The following SMCO4 variants were observed in gnomAD, a reference collection of about 807,000 sequenced individuals.
SMCO4 encodes single-pass membrane and coiled-coil domain-containing protein 4.
SMCO4 carries 4 observed loss-of-function variants against 3.6 expected under a neutral mutation model. That is an observed-to-expected ratio of 1.11 (90% CI 0.54 to 2.53). SMCO4 has a LOEUF of 2.53. SMCO4 is among the 30% of genes most tolerant of loss of function. The pLI, the probability that SMCO4 is intolerant of heterozygous loss-of-function variation, is 0.02. For missense variants in SMCO4, 70 were observed against 80.8 expected, an observed-to-expected ratio of 0.87 and a Z score of 0.51; for synonymous variants, 36 against 35.3, an observed-to-expected ratio of 1.02 and a Z score of -0.07.
At chr11:93,479,364 C>T (rs1948564590) in intron 2 of SMCO4, 95 bp from the exon 3 acceptor site, 1 of 1,186,138 alleles carries the variant, frequency 8.4e-7, no homozygotes, top group African/African-American at 1.5e-5. Context: ...AAAATATCTG[C>T]AACTTACATG....
intron 1 of SMCO4, among the ~76,000 whole-genome samples, chr11:93,516,843 C>G (rs1949012239): frequency 6.6e-6 from 1 of 152,078 alleles, no homozygotes; most frequent in Non-Finnish European, 1.5e-5. Flanking sequence ...TACCCATTTA[C>G]ATTCGAGTAG....
chr11:93,534,359 T>C (rs12288744), intron 1 of SMCO4, among the ~76,000 whole-genome samples: 4 of 57,162 alleles, frequency 7.0e-5, no homozygotes, highest in Non-Finnish European at 1.2e-4. Flanking sequence ...TACACATACA[T>C]ATATATATAT....
chr11:93,495,833 C>G (rs918952246), intron 2 of SMCO4, among the ~76,000 whole-genome samples: 1 of 152,210 alleles, frequency 6.6e-6, no homozygotes, highest in African/African-American at 2.4e-5. Flanking sequence ...ACTCCTTGTT[C>G]CATTTCCCAG....
At chr11:93,522,555 T>C (rs779934811) in intron 1 of SMCO4, among the ~76,000 whole-genome samples, 1 of 152,244 alleles carries the variant, frequency 6.6e-6, no homozygotes, top group Non-Finnish European at 1.5e-5. Flanking sequence ...ATCCGTTGTA[T>C]TCCACATGGA....
chr11:93,483,249 G>C (rs1948612139), intron 2 of SMCO4, among the ~76,000 whole-genome samples: 1 of 152,188 alleles, frequency 6.6e-6, no homozygotes, highest in South Asian at 2.1e-4. Context: ...TTGGAGGGTG[G>C]AAAGGCCACC....
chr11:93,535,953 AG>A, intron 1 of SMCO4: 3 of 1,453,688 alleles, frequency 2.1e-6, no homozygotes, highest in Non-Finnish European at 2.8e-6. Context: ...TGGAAAGAAT[AG>A]TTGCAGTGTT....
chr11:93,488,507 T>C (rs774486347), intron 2 of SMCO4, among the ~76,000 whole-genome samples: 1 of 152,094 alleles, frequency 6.6e-6, no homozygotes, highest in Non-Finnish European at 1.5e-5. Flanking sequence ...CGAGTACACT[T>C]TGAAGGCAGA....
At chr11:93,533,924 C>T (rs981897079) in intron 1 of SMCO4, among the ~76,000 whole-genome samples, 6 of 152,054 alleles carry the variant, frequency 3.9e-5, no homozygotes, top group Non-Finnish European at 8.8e-5. Context: ...TGGTAGCTCA[C>T]GCCTGTAATC....
intron 1 of SMCO4, among the ~76,000 whole-genome samples, chr11:93,514,392 AT>A: frequency 2.9e-5 from 1 of 34,436 alleles, no homozygotes; most frequent in Non-Finnish European, 5.8e-5. Context: ...ATATATATAT[AT>A]ATATATATAT....
At chr11:93,544,719 G>A (rs113057875), upstream of SMCO4, among the ~76,000 whole-genome samples, 499 of 152,104 alleles carry the variant, frequency 3.3e-3, 4 homozygotes, top group Middle Eastern at 0.014. Context: ...AGAGGGGATT[G>A]GGCTGCATAC....
At chr11:93,539,041 T>C (rs1249528694) in intron 1 of SMCO4, among the ~76,000 whole-genome samples, 1 of 152,200 alleles carries the variant, frequency 6.6e-6, no homozygotes, top group Non-Finnish European at 1.5e-5. Context: ...ATCATTGCAG[T>C]GACACTTAGA....
At chr11:93,534,682 C>T (rs1222460169) in intron 1 of SMCO4, among the ~76,000 whole-genome samples, 1 of 152,178 alleles carries the variant, frequency 6.6e-6, no homozygotes, top group Non-Finnish European at 1.5e-5. Flanking sequence ...CCCCCTCCAC[C>T]ACTCCTGCTC....
chr11:93,536,930 T>A (rs1258707667), intron 1 of SMCO4, among the ~76,000 whole-genome samples: 1 of 152,220 alleles, frequency 6.6e-6, no homozygotes, highest in Non-Finnish European at 1.5e-5. Context: ...CAAGCCAATT[T>A]CTGCAGTACT....
intron 1 of SMCO4, among the ~76,000 whole-genome samples, chr11:93,525,282 A>G (rs889613521): frequency 6.6e-6 from 1 of 152,228 alleles, no homozygotes; most frequent in African/African-American, 2.4e-5. Context: ...ACTGATTCTC[A>G]GGTCTTTTCC....
chr11:93,480,482 T>A (rs1948579141), intron 2 of SMCO4, among the ~76,000 whole-genome samples: 6 of 152,192 alleles, frequency 3.9e-5, no homozygotes, highest in Admixed American at 3.3e-4. Flanking sequence ...GCCCACAGCC[T>A]AGCCTTCCAA....
chr11:93,505,014 A>G (rs565452066), intron 1 of SMCO4, among the ~76,000 whole-genome samples: 2 of 152,364 alleles, frequency 1.3e-5, no homozygotes, highest in East Asian at 3.9e-4. Context: ...CAGTCTATCA[A>G]TATGTACAAG....
chr11:93,523,857 G>T (rs576018739), intron 1 of SMCO4, among the ~76,000 whole-genome samples: 1 of 152,254 alleles, frequency 6.6e-6, no homozygotes, highest in East Asian at 1.9e-4. Flanking sequence ...GGTTAACATG[G>T]ACTTCCTTAG....
chr11:93,535,481 G>A, intron 1 of SMCO4: 2 of 1,407,716 alleles, frequency 1.4e-6, no homozygotes, highest in Non-Finnish European at 2.0e-6. Flanking sequence ...GGTGTTGTTG[G>A]AGAGCGAGCA....
chr11:93,553,260 A>G, the SMCO4 span, among the ~76,000 whole-genome samples: 2 of 152,194 alleles, frequency 1.3e-5, no homozygotes, highest in South Asian at 4.1e-4. Context: ...GATAAGATAT[A>G]ATTTTTATAT....
Sources: gnomAD v4.1 joint callset for allele counts (sites outside exome capture counted in the v4.1 genomes callset) on GRCh38, gnomAD v4.1.1 for gene constraint, MANE v1.5 for transcripts, NCBI Gene and HGNC (gene_info 2026-07-23, HGNC 2026-07-21) for gene names.